TTC8: variants seen among roughly 807,000 people sequenced by gnomAD.
The protein encoded by TTC8 is tetratricopeptide repeat protein 8.
In TTC8, 47 loss-of-function variants were observed where a neutral mutation model predicts 72.5. The observed-to-expected ratio is 0.65, with a 90% CI of 0.51 to 0.83. TTC8 has a LOEUF of 0.83. TTC8 is among the 40% of genes least tolerant of loss of function. The probability of loss-of-function intolerance (pLI) is 0.00; values close to 1 mark genes in which losing one functional copy is unlikely to be tolerated. For missense variants in TTC8, 611 were observed against 623.2 expected (o/e 0.98, Z 0.21); for synonymous variants, 199 against 221.4 (o/e 0.90, Z 0.90).
At chr14:88,841,568 A>G in intron 6 of TTC8, 54 bp downstream of exon 6, 1 of 1,393,116 alleles carries the variant, frequency 7.2e-7, no homozygotes, top group Non-Finnish European at 1.0e-6. Flanking sequence ...GTATGATGAT[A>G]ATGACAAATT....
intron 1 of TTC8, among the ~76,000 whole-genome samples, chr14:88,826,036 G>A (rs2094698534): frequency 6.6e-6 from 1 of 151,520 alleles, no homozygotes; most frequent in Admixed American, 6.6e-5. Flanking sequence ...AGGCTGGAGT[G>A]CAGTGGCACG....
At chr14:88,873,772 A>G (rs868809911) in intron 13 of TTC8, among the ~76,000 whole-genome samples, 3 of 152,248 alleles carry the variant, frequency 2.0e-5, no homozygotes, top group African/African-American at 7.2e-5. Context: ...TGTTCATACA[A>G]TGTTAGCAGC....
intron 1 of TTC8, among the ~76,000 whole-genome samples, chr14:88,830,625 C>A (rs2094721186): frequency 2.0e-5 from 3 of 152,176 alleles, no homozygotes; most frequent in Admixed American, 1.3e-4. Flanking sequence ...CAAGGTCATG[C>A]AGCTAAGTGG....
At position 88,849,244 on chromosome 14, in the gene TTC8, G is replaced by A. The variant is rs189863073; in HGVS notation, c.625-3727G>A. On this transcript the variant is annotated intron_variant, in intron 7 of 14. Coordinates refer to ENST00000380656, the MANE Select transcript of TTC8 (RefSeq NM_144596.4). ...CTGTTTCTCACTCTGGTACAGTCTTGCCACATTATAGTGATGTTGTGGATC... is the reference window on the plus strand; with the variant it reads ...CTGTTTCTCACTCTGGTACAGTCTTACCACATTATAGTGATGTTGTGGATC... Among the ~76,000 whole-genome samples, 11 of 152,244 alleles carry A rather than the reference G, an allele frequency of 7.2e-5. No homozygotes were observed. The East Asian group carries it at 2.1e-3, about 29-fold the overall frequency.
intron 7 of TTC8, among the ~76,000 whole-genome samples, chr14:88,844,912 TATG>T (rs1290521590): frequency 1.3e-5 from 2 of 152,088 alleles, no homozygotes; most frequent in African/African-American, 4.8e-5. Flanking sequence ...TAATAAAAAA[TATG>T]ATACTTTTTC....
At chr14:88,873,586 A>G (rs2141041245) in intron 13 of TTC8, among the ~76,000 whole-genome samples, 1 of 152,316 alleles carries the variant, frequency 6.6e-6, no homozygotes, top group African/African-American at 2.4e-5. Context: ...TATTTGTGGA[A>G]TGAATGGATG....
At chr14:88,872,224 T>C in intron 12 of TTC8, 106 bp from the exon 13 acceptor site, 16 of 1,475,468 alleles carry the variant, frequency 1.1e-5, no homozygotes, top group Non-Finnish European at 1.5e-5. Context: ...TATAATTGTA[T>C]GGTACTTGAT....
Position 88,859,815 on chromosome 14 carries a change from T to C in TTC8, c.799-1407T>C, listed in dbSNP as rs181248399. ...ATTTAATTTATATAAAAATATAAGA[T>C]TATATAATTATAAACATATAAAAAT... On this transcript the variant is annotated intron_variant, in intron 9 of 14. Coordinates refer to ENST00000380656, the MANE Select transcript of TTC8 (RefSeq NM_144596.4). Among the ~76,000 whole-genome samples the C allele has an allele frequency of 3.0e-3, 288 of 94,592 alleles. 2 individuals are homozygous for C. Among genetic ancestry groups the C allele is most frequent in the African/African-American group, 9.5e-3 (258 of 27,064 alleles). The allele number at this position is 94,592 out of a possible 152,430, so 62.1% of individuals were successfully genotyped here.
intron 1 of TTC8, among the ~76,000 whole-genome samples, chr14:88,832,831 G>T (rs923895291): frequency 2.6e-5 from 4 of 152,112 alleles, no homozygotes; most frequent in African/African-American, 9.7e-5. Flanking sequence ...ACCTCCAATT[G>T]CTATGTGTTC....
rs2094769784 is a variant in TTC8 at position 88,839,506 on chromosome 14, A to G, written c.199A>G (p.Ile67Val). 6.2e-7 allele frequency: 1 copy of G among 1,613,252 alleles called. No homozygotes were observed. Among genetic ancestry groups the G allele is most frequent in the Admixed American group, 1.7e-5 (1 of 59,980 alleles). Reference protein sequence around the residue: ...ALTEMVYIDEIDVDQEGIAEM... With the variant: ...ALTEMVYIDEVDVDQEGIAEM... ...AACAGAAATGGTATACATAGATGAA[A>G]TTGATGTAGATCAGGAAGGAATTGC... Residue 67 changes from isoleucine (I) to valine (V), a missense_variant, in exon 3 of 15, where the codon ATT becomes GTT. Transcript: ENST00000380656.
rs10553603 is a variant in TTC8 at position 88,866,382 on chromosome 14, A to AACACACACACACAC, written c.910-3658_910-3645dup. Among the ~76,000 whole-genome samples the AACACACACACACAC allele has an allele frequency of 1.7e-3, 251 of 146,670 alleles. 1 individual carries two copies. The highest frequency in any genetic ancestry group is 5.9e-3 in the African/African-American group (239 of 40,292). ...AAAATTGCTGAAAATGGGAGATTTA[A>AACACACACACACAC]ACACACACACACACACACACACACA... On this transcript the variant is annotated intron_variant, in intron 10 of 14. Coordinates refer to ENST00000380656, the MANE Select transcript of TTC8 (RefSeq NM_144596.4).
At chr14:88,868,002 C>G (rs531906587) in intron 10 of TTC8, among the ~76,000 whole-genome samples, 1 of 152,322 alleles carries the variant, frequency 6.6e-6, no homozygotes, top group East Asian at 1.9e-4. Flanking sequence ...CATCCCTGTT[C>G]TCCATGTTGA....
intron 1 of TTC8, among the ~76,000 whole-genome samples, chr14:88,827,178 C>G (rs1015816683): frequency 2.0e-5 from 3 of 152,058 alleles, no homozygotes; most frequent in Admixed American, 1.3e-4. Context: ...AGTATTGCAC[C>G]TATAAATTGA....
In TTC8 at chr14:88,839,438, T is replaced by C. The variant is rs749182447; in HGVS notation, c.145-14T>C. On this transcript the variant is annotated splice_polypyrimidine_tract_variant and intron_variant, in intron 2 of 14. Transcript: ENST00000380656. ...GCTATTTTAATATATGTTTTATTTA[T>C]CCATGGGTTTTAGGCAGCTTGGATC... 6.2e-7 allele frequency: 1 copy of C among 1,612,486 alleles called. No individual in the cohort carries two copies. The highest frequency in any genetic ancestry group is 1.1e-5 in the South Asian group (1 of 91,010).
intron 4 of TTC8, 33 bp from the exon 5 acceptor site, chr14:88,841,004 T>C (rs751075313): frequency 1.8e-5 from 29 of 1,613,944 alleles, no homozygotes; most frequent in Non-Finnish European, 2.4e-5. Flanking sequence ...CAAATGATCT[T>C]CTTTGTATTA....
intron 7 of TTC8, among the ~76,000 whole-genome samples, chr14:88,849,315 C>G (rs1009991710): frequency 1.3e-5 from 2 of 152,002 alleles, no homozygotes; most frequent in Admixed American, 1.3e-4. Context: ...CAGAAATGTT[C>G]TTTTCTGAAT....
chr14:88,872,942 A>G (rs548259394), intron 13 of TTC8, among the ~76,000 whole-genome samples: 109 of 152,266 alleles, frequency 7.2e-4, no homozygotes, highest in African/African-American at 2.6e-3. Context: ...ATGGACTACT[A>G]TGAGAGCCTC....
At chr14:88,834,867 A>C (rs1217706379) in intron 2 of TTC8, among the ~76,000 whole-genome samples, 2 of 152,224 alleles carry the variant, frequency 1.3e-5, no homozygotes, top group Non-Finnish European at 2.9e-5. Flanking sequence ...TAAGAGCTTT[A>C]AACTAGCACA....
downstream of TTC8, chr14:88,879,651 C>CATTATTATTATTATT (rs71130023): frequency 1.4e-5 from 2 of 141,172 alleles, no homozygotes; most frequent in Non-Finnish European, 3.0e-5. Flanking sequence ...CGTGTCACTA[C>CATTATTATTATTATT]ATTATTATTA....
Sources: gnomAD v4.1 joint callset for allele counts (sites outside exome capture counted in the v4.1 genomes callset) on GRCh38, gnomAD v4.1.1 for gene constraint, MANE v1.5 for transcripts, NCBI Gene and HGNC (gene_info 2026-07-23, HGNC 2026-07-21) for gene names.